SDCCAG8: variants seen among roughly 807,000 people sequenced by gnomAD.
SDCCAG8 encodes SHH signaling and ciliogenesis regulator SDCCAG8.
SDCCAG8 carries 74 observed loss-of-function variants against 101.8 expected under a neutral mutation model. That is an observed-to-expected ratio of 0.73 (90% CI 0.60 to 0.88). SDCCAG8 has a LOEUF of 0.88. SDCCAG8 is among the 40% of genes least tolerant of loss of function. SDCCAG8 has a pLI of 0.00. For missense variants in SDCCAG8, 787 were observed against 822.6 expected (o/e 0.96, Z 0.53); for synonymous variants, 281 against 292.9 (o/e 0.96, Z 0.41).
intron 13 of SDCCAG8, among the ~76,000 whole-genome samples, chr1:243,391,899 C>T (rs1184514692): frequency 1.3e-5 from 2 of 152,162 alleles, no homozygotes; most frequent in Non-Finnish European, 2.9e-5. Context: ...GGCAGTGTTC[C>T]GGATTTGCCC....
intron 8 of SDCCAG8, among the ~76,000 whole-genome samples, chr1:243,315,308 T>C (rs1450010753): frequency 2.0e-5 from 3 of 152,220 alleles, no homozygotes; most frequent in Non-Finnish European, 4.4e-5. Flanking sequence ...GGTGTTTATT[T>C]TTTTACTTAA....
intron 16 of SDCCAG8, among the ~76,000 whole-genome samples, chr1:243,475,046 A>C (rs2148204868): frequency 6.6e-6 from 1 of 152,286 alleles, no homozygotes; most frequent in South Asian, 2.1e-4. Context: ...AAAAGGTGGC[A>C]TTCAGCCTGG....
At chr1:243,290,951 CT>C (rs1451359268) in intron 5 of SDCCAG8, among the ~76,000 whole-genome samples, 1 of 152,184 alleles carries the variant, frequency 6.6e-6, no homozygotes, top group Non-Finnish European at 1.5e-5. Context: ...ATTGATCTTG[CT>C]CATTTTTGTC....
chr1:243,356,906 G>C (rs1478340267), intron 12 of SDCCAG8, among the ~76,000 whole-genome samples: 1 of 152,178 alleles, frequency 6.6e-6, no homozygotes, highest in African/African-American at 2.4e-5. Flanking sequence ...GCTGAGGTGG[G>C]AGGATCACTC....
rs1355732307 is a variant in SDCCAG8, at chr1:243,430,306, A to T, written c.1985+3748A>T. ...TAAAATGGAAGTTCCTGAGATAAGA[A>T]AGCATAGTACTGGAGGAAGAGCAAG... is the stretch of plus-strand genomic sequence containing the variant. On this transcript the variant is annotated intron_variant, in intron 16 of 17. Transcript: ENST00000366541. 2.6e-5 allele frequency among the ~76,000 whole-genome samples: 4 copies of T among 152,222 alleles called. No individual in the cohort carries two copies. The East Asian group carries it at 7.7e-4, about 29-fold the overall frequency.
chr1:243,437,872 A>G (rs1199459586), intron 16 of SDCCAG8, among the ~76,000 whole-genome samples: 1 of 152,024 alleles, frequency 6.6e-6, no homozygotes, highest in Non-Finnish European at 1.5e-5. Flanking sequence ...CCATCACACC[A>G]CTAATGGATT....
At chr1:243,327,180 C>T (rs1007731571) in intron 9 of SDCCAG8, among the ~76,000 whole-genome samples, 19 of 151,820 alleles carry the variant, frequency 1.3e-4, no homozygotes, top group Non-Finnish European at 2.8e-4. Context: ...AAATAACAGC[C>T]GCAGGCCCCA....
intron 16 of SDCCAG8, among the ~76,000 whole-genome samples, chr1:243,437,425 C>T (rs536542773): frequency 8.6e-5 from 13 of 152,030 alleles, no homozygotes; most frequent in African/African-American, 2.4e-4. Flanking sequence ...CCAGGATGCT[C>T]TCTGTGTACA....
intron 16 of SDCCAG8, among the ~76,000 whole-genome samples, chr1:243,440,303 C>T (rs2082448774): frequency 6.6e-6 from 1 of 151,962 alleles, no homozygotes; most frequent in African/African-American, 2.4e-5. Context: ...AATAGTATAT[C>T]ATTATTAAAT....
chr1:243,368,932 A>G (rs1408917141), intron 12 of SDCCAG8, among the ~76,000 whole-genome samples: 4 of 152,274 alleles, frequency 2.6e-5, no homozygotes, highest in East Asian at 1.9e-4. Context: ...AGTGAAATAA[A>G]TCCTACTACT....
intron 17 of SDCCAG8, among the ~76,000 whole-genome samples, chr1:243,492,680 C>T (rs1442311600): frequency 1.5e-5 from 2 of 137,220 alleles, no homozygotes; most frequent in Admixed American, 8.0e-5. Flanking sequence ...TGGTCTTGGC[C>T]TACTGCAACC....
intron 1 of SDCCAG8, chr1:243,268,160 T>C (rs2149260067): frequency 1.6e-6 from 1 of 607,858 alleles, no homozygotes; most frequent in South Asian, 1.9e-5. Context: ...TCACCAACGG[T>C]GCAATGCTTT....
At chr1:243,313,503 A>G (rs560093632) in intron 8 of SDCCAG8, among the ~76,000 whole-genome samples, 1 of 152,320 alleles carries the variant, frequency 6.6e-6, no homozygotes, top group Non-Finnish European at 1.5e-5. Context: ...TTTTCACCCC[A>G]GAACACTCAT....
intron 16 of SDCCAG8, among the ~76,000 whole-genome samples, chr1:243,428,273 CATTGATTGATTG>C (rs969938489): frequency 6.6e-6 from 1 of 152,154 alleles, no homozygotes; most frequent in African/African-American, 2.4e-5. Flanking sequence ...GTTCATTCAA[CATTGATTGATTG>C]ATTGATTGAT....
chr1:243,420,994 A>T (rs1165971998), intron 15 of SDCCAG8, among the ~76,000 whole-genome samples: 1 of 152,160 alleles, frequency 6.6e-6, no homozygotes. Flanking sequence ...TATTGGGATA[A>T]ATAATTTTCC....
intron 16 of SDCCAG8, among the ~76,000 whole-genome samples, chr1:243,438,290 TA>T (rs1184129657): frequency 6.6e-6 from 1 of 152,216 alleles, no homozygotes; most frequent in Non-Finnish European, 1.5e-5. Context: ...AAGAACCCAT[TA>T]AAAGGTTGGC....
Position 243,407,869 on chromosome 1 carries a change from G to A in SDCCAG8, c.1617-7833G>A, listed in dbSNP as rs184122117. The stretch of plus-strand genomic sequence containing the variant: ...TTAAGTCTTTTGCATACTTAAGGAA[G>A]TAGAGATTCCAGAATCTCATTCCTG... On this transcript the variant is annotated intron_variant, in intron 13 of 17. Transcript: ENST00000366541. Among the ~76,000 whole-genome samples, 33 of 152,244 alleles carry A rather than the reference G, an allele frequency of 2.2e-4. No individual in the cohort carries two copies. In the East Asian group the frequency reaches 6.2e-3, roughly 29 times the overall value.
chr1:243,473,987 T>G (rs992286053), intron 16 of SDCCAG8, among the ~76,000 whole-genome samples: 5 of 139,106 alleles, frequency 3.6e-5, no homozygotes, highest in African/African-American at 1.1e-4. Context: ...CAGTTTCAAT[T>G]AAGTCACATG....
At chr1:243,438,624 TC>T (rs1290241076) in intron 16 of SDCCAG8, among the ~76,000 whole-genome samples, 1 of 152,130 alleles carries the variant, frequency 6.6e-6, no homozygotes, top group Non-Finnish European at 1.5e-5. Flanking sequence ...GAGGAGTCTT[TC>T]TCTTGAACCA....
Sources: allele counts gnomAD v4.1 joint callset (sites outside exome capture counted in the v4.1 genomes callset), GRCh38; gene constraint gnomAD v4.1.1; transcripts MANE v1.5; gene names NCBI Gene and HGNC (gene_info 2026-07-23, HGNC 2026-07-21).